Variants in IL1RAPL2 observed in about 807,000 individuals in gnomAD.
The protein encoded by IL1RAPL2 is X-linked interleukin-1 receptor accessory protein-like 2.
In IL1RAPL2, 3 loss-of-function variants were observed where a neutral mutation model predicts 44.1. The ratio of observed to expected loss-of-function variants is 0.07; its 90% CI spans 0.03 to 0.18. The LOEUF is 0.18. Among genes scored for constraint, IL1RAPL2 ranks in the 10% least tolerant of loss-of-function variants. IL1RAPL2 has a pLI of 1.00. For synonymous variants in IL1RAPL2, 181 were observed against 178.8 expected (o/e 1.01, Z -0.10); for missense variants, 391 against 496.4 (o/e 0.79, Z 2.02).
intron 2 of IL1RAPL2, among the ~76,000 whole-genome samples, chrX:105,059,798 G>A (rs1257947441): frequency 8.9e-6 from 1 of 111,935 alleles, no homozygotes; most frequent in East Asian, 2.8e-4. Context: ...CAAAGTGCTG[G>A]GATTACAGGT....
At chrX:105,250,575 CAA>C (rs2034261108) in intron 4 of IL1RAPL2, among the ~76,000 whole-genome samples, 1 of 109,934 alleles carries the variant, frequency 9.1e-6, no homozygotes, top group Admixed American at 9.7e-5. Context: ...AGAAAAAAAA[CAA>C]AATTTATTAT....
chrX:105,432,043 C>T (rs1188355652), intron 5 of IL1RAPL2, among the ~76,000 whole-genome samples: 12 of 109,137 alleles, frequency 1.1e-4, no homozygotes, highest in Admixed American at 9.9e-4. Flanking sequence ...GTTTACCAAA[C>T]CAAGAACCTT....
chrX:104,708,656 T>C (rs1931402150), intron 2 of IL1RAPL2, among the ~76,000 whole-genome samples: 1 of 111,324 alleles, frequency 9.0e-6, no homozygotes, highest in Admixed American at 9.6e-5. Flanking sequence ...GCATAACACA[T>C]CCAGTTGAAC....
rs753162562 is a variant in IL1RAPL2 at position 105,074,516 on chromosome X, C to A, written c.83-120959C>A. Among the ~76,000 whole-genome samples, 13 of 110,639 alleles carry A rather than the reference C, an allele frequency of 1.2e-4. 1 individual carries two copies. The South Asian group carries it at 5.1e-3, about 44-fold the overall frequency. On this transcript the variant is annotated intron_variant, in intron 2 of 10. Coordinates refer to ENST00000372582, the MANE Select transcript of IL1RAPL2 (RefSeq NM_017416.2). ...TTCTTTTGGCTTAGGATTGACTTGG[C>A]AATGCTGGCTCTTTTTTGGTTCCAT...
intron 2 of IL1RAPL2, among the ~76,000 whole-genome samples, chrX:104,811,525 TTC>T (rs999829593): frequency 9.0e-6 from 1 of 111,345 alleles, no homozygotes; most frequent in African/African-American, 3.3e-5. Context: ...CTCTTTTTTT[TTC>T]TGTTTTTGAA....
At position 104,931,947 on chromosome X, in the gene IL1RAPL2, AGTGT is replaced by A. The variant is rs34524314; in HGVS notation, c.83-263503_83-263500del. ...ACTCACAGATATGTGGGAAACTATG[AGTGT>A]GTGTGTGTGTGTGTGTGTGTGTGTT... is the stretch of plus-strand genomic sequence containing the variant. On this transcript the variant is annotated intron_variant, in intron 2 of 10. Coordinates refer to ENST00000372582, the MANE Select transcript of IL1RAPL2 (RefSeq NM_017416.2). Among the ~76,000 whole-genome samples, 547 of 88,950 alleles carry A rather than the reference AGTGT, an allele frequency of 6.1e-3. 15 individuals carry two copies. Among genetic ancestry groups the A allele is most frequent in the Middle Eastern group, 0.011 (2 of 176 alleles). The allele number at this position is 88,950 out of a possible 115,157, so 77.2% of individuals were successfully genotyped here. A position where few individuals can be genotyped will look rare whatever the true frequency, so the allele number is the denominator to read the frequency against.
chrX:105,568,280 C>A (rs1300444920), intron 6 of IL1RAPL2, among the ~76,000 whole-genome samples: 3 of 111,792 alleles, frequency 2.7e-5, no homozygotes, highest in African/African-American at 9.7e-5. Flanking sequence ...CATCCCCTAT[C>A]ACTACAACTT....
At chrX:104,689,791 G>C (rs957105739) in intron 2 of IL1RAPL2, among the ~76,000 whole-genome samples, 22 of 111,982 alleles carry the variant, frequency 2.0e-4, no homozygotes, top group African/African-American at 7.1e-4. Context: ...TCAATGCTAA[G>C]TGATAGAACT....
At chrX:105,704,781 C>A (rs1337717441) in intron 6 of IL1RAPL2, among the ~76,000 whole-genome samples, 12 of 110,638 alleles carry the variant, frequency 1.1e-4, no homozygotes, top group Non-Finnish European at 2.1e-4. Context: ...TCCCTCCCAC[C>A]ACCCCACCCA....
At chrX:105,206,393 G>A (rs1386209246) in intron 3 of IL1RAPL2, among the ~76,000 whole-genome samples, 14 of 111,629 alleles carry the variant, frequency 1.3e-4, no homozygotes, top group African/African-American at 3.6e-4. Context: ...AAGGACACAT[G>A]GGTAGTAAAT....
At chrX:105,482,143 A>G (rs2036236936) in intron 5 of IL1RAPL2, among the ~76,000 whole-genome samples, 1 of 112,427 alleles carries the variant, frequency 8.9e-6, no homozygotes, top group Admixed American at 9.5e-5. Flanking sequence ...CAGCAGTATC[A>G]TAATATGTCA....
intron 1 of IL1RAPL2, among the ~76,000 whole-genome samples, chrX:104,632,721 A>G (rs1179705148): frequency 3.7e-5 from 4 of 108,515 alleles, no homozygotes; most frequent in Admixed American, 1.0e-4. Flanking sequence ...GAAGTTGCCT[A>G]TCAGCTTAAG....
At chrX:105,286,470 C>CAA (rs5903264) in intron 5 of IL1RAPL2, among the ~76,000 whole-genome samples, 34 of 91,369 alleles carry the variant, frequency 3.7e-4, no homozygotes, top group African/African-American at 9.1e-4. Context: ...TTTGCAGCCT[C>CAA]AAAAAAAAAA....
At chrX:105,400,428 C>G (rs575582509) in intron 5 of IL1RAPL2, among the ~76,000 whole-genome samples, 32 of 111,015 alleles carry the variant, frequency 2.9e-4, no homozygotes, top group Middle Eastern at 9.4e-3. Context: ...CTACCTTATA[C>G]TTTTATGATG....
intron 1 of IL1RAPL2, among the ~76,000 whole-genome samples, chrX:104,601,155 T>A (rs1032475890): frequency 7.2e-5 from 8 of 111,616 alleles, no homozygotes; most frequent in Admixed American, 5.7e-4. Flanking sequence ...ATACTTTAAG[T>A]TTTAGGGTAC....
At chrX:105,420,599 T>TA (rs1231459464) in intron 5 of IL1RAPL2, among the ~76,000 whole-genome samples, 2 of 112,035 alleles carry the variant, frequency 1.8e-5, no homozygotes, top group African/African-American at 3.2e-5. Flanking sequence ...CATTAAAAGT[T>TA]ACATTTATAT....
chrX:104,671,836 T>C (rs776400369), intron 2 of IL1RAPL2, among the ~76,000 whole-genome samples: 1 of 111,925 alleles, frequency 8.9e-6, no homozygotes, highest in South Asian at 3.7e-4. Context: ...CAGTTTGGAA[T>C]TGTGGCCAGA....
chrX:105,746,597 A>G (rs2038544806), intron 8 of IL1RAPL2, among the ~76,000 whole-genome samples: 1 of 112,022 alleles, frequency 8.9e-6, no homozygotes, highest in East Asian at 2.8e-4. Context: ...CCATCATTAC[A>G]TAATATCTTT....
At chrX:104,712,097 G>C (rs912346853) in intron 2 of IL1RAPL2, among the ~76,000 whole-genome samples, 5 of 110,949 alleles carry the variant, frequency 4.5e-5, no homozygotes, top group East Asian at 2.9e-4. Flanking sequence ...TGTAATACTG[G>C]CTTATAAGAC....
Sources: allele counts gnomAD v4.1 joint callset (sites outside exome capture counted in the v4.1 genomes callset), GRCh38; gene constraint gnomAD v4.1.1; transcripts MANE v1.5; gene names NCBI Gene and HGNC (gene_info 2026-07-23, HGNC 2026-07-21).